Variants in TRPC4AP observed in about 807,000 individuals in gnomAD.
TRPC4AP encodes transient receptor potential cation channel subfamily C member 4 associated protein.
A neutral mutation model predicts 99.0 loss-of-function variants in TRPC4AP; 45 were observed. The observed-to-expected ratio is 0.45, with a 90% confidence interval of 0.36 to 0.58. TRPC4AP has a LOEUF of 0.58. Ranked by LOEUF, TRPC4AP falls within the 20% of genes least tolerant of loss-of-function variation. TRPC4AP has a pLI of 0.00. For missense variants in TRPC4AP, 879 were observed against 985.3 expected (o/e 0.89, Z 1.44); for synonymous variants, 408 against 385.8 (o/e 1.06, Z -0.67).
At chr20:35,059,926 C>T (rs74637704) in intron 3 of TRPC4AP, among the ~76,000 whole-genome samples, 4 of 118,368 alleles carry the variant, frequency 3.4e-5, no homozygotes, top group South Asian at 5.2e-4. Flanking sequence ...AAGACAAAGA[C>T]GAAGAAGACG....
chr20:35,006,453 A>G lies in TRPC4AP; in HGVS notation c.1809T>C (p.Tyr603=), dbSNP rs766566817. Residue 603 remains tyrosine, a synonymous_variant, in exon 15 of 19, where the codon TAT becomes TAC. Transcript: ENST00000252015. ...NVDAFKRFNK[Y]INTDAKFQVF... is the part of the protein sequence containing the mutation. The stretch of plus-strand genomic sequence containing the variant: ...ACTTTACCTTTGCATCGGTGTTGAT[A>G]TATTTATTGAATCTCTTGAATGCAT... The G allele has an allele frequency of 4.3e-6, 7 of 1,614,090 alleles. No individual in the cohort carries two copies. The highest frequency in any genetic ancestry group is 2.7e-5 in the African/African-American group (2 of 74,930).
At chr20:35,031,554 T>C (rs926442247) in intron 8 of TRPC4AP, among the ~76,000 whole-genome samples, 9 of 151,848 alleles carry the variant, frequency 5.9e-5, no homozygotes, top group Non-Finnish European at 8.8e-5. Context: ...TTTATTACCA[T>C]GTGTCTGCAT....
chr20:35,044,535 A>G lies in TRPC4AP; in HGVS notation c.835T>C (p.Leu279=), dbSNP rs1330249258. ...TTGATTTCAGCTGCAGAAGGCCCCA[A>G]ACTCAAGCTCTTCTTCTGTTGAGCA... ...KNAQQKKSLS[L]GPSAAEINQA... The change falls in exon 7 of 19, where the codon TTG becomes CTG. Residue 279 remains leucine, a synonymous_variant. Coordinates refer to ENST00000252015, the MANE Select transcript of TRPC4AP (RefSeq NM_015638.3). 2 of 1,614,218 alleles carry G rather than the reference A, an allele frequency of 1.2e-6. No individual in the cohort carries two copies. The highest frequency in any genetic ancestry group is 2.2e-5 in the South Asian group (2 of 91,086).
At chr20:35,063,706 A>T (rs1287935733) in intron 3 of TRPC4AP, among the ~76,000 whole-genome samples, 4 of 152,066 alleles carry the variant, frequency 2.6e-5, no homozygotes, top group Non-Finnish European at 2.9e-5. Flanking sequence ...AACAAATATT[A>T]AAAAATTAGC....
chr20:35,053,409 C>T (rs1001102987), intron 5 of TRPC4AP, among the ~76,000 whole-genome samples: 6 of 152,178 alleles, frequency 3.9e-5, no homozygotes, highest in Admixed American at 6.5e-5. Context: ...GATTTTAAAA[C>T]GGCCTCATAA....
intron 10 of TRPC4AP, among the ~76,000 whole-genome samples, chr20:35,014,449 C>T (rs2082706231): frequency 6.6e-6 from 1 of 150,642 alleles, no homozygotes; most frequent in Non-Finnish European, 1.5e-5. Context: ...ACAGACATTA[C>T]AAAACACGAG....
intron 1 of TRPC4AP, among the ~76,000 whole-genome samples, chr20:35,086,611 A>G (rs1353921699): frequency 6.6e-6 from 1 of 150,740 alleles, no homozygotes; most frequent in East Asian, 1.9e-4. Flanking sequence ...CCTAATCAGG[A>G]GTTTTTCAGT....
intron 2 of TRPC4AP, among the ~76,000 whole-genome samples, chr20:35,077,839 C>G (rs1022540882): frequency 2.6e-5 from 4 of 152,084 alleles, no homozygotes; most frequent in African/African-American, 9.7e-5. Context: ...ACACAGGGAA[C>G]CTAATGGTGA....
rs2082414194 is a variant in TRPC4AP, at chr20:35,002,502, G to A, written c.*644C>T. On this transcript the variant is annotated 3_prime_UTR_variant, in exon 19 of 19. Transcript: ENST00000252015. ...AGGAAGGGCCCCATGTCCAGGCTCA[G>A]GCAGGAGCGGCTGCCTCAGGCAGAG... 3.6e-6 allele frequency: 1 copy of A among 274,728 alleles called. No individual in the cohort carries two copies. The highest frequency in any genetic ancestry group is 5.1e-5 in the Admixed American group (1 of 19,596). The allele number at this position is 274,728 out of a possible 1,614,324, so 17.0% of individuals were successfully genotyped here. A position where few individuals can be genotyped will look rare whatever the true frequency, so the allele number is the denominator to read the frequency against.
chr20:35,005,568 G>A (rs1340820715), intron 16 of TRPC4AP, 127 bp downstream of exon 16: 3 of 804,334 alleles, frequency 3.7e-6, no homozygotes, highest in Non-Finnish European at 4.0e-6. Flanking sequence ...CCGCCACCTT[G>A]AGGCCGGCCA....
At chr20:35,083,995 A>T (rs1307119540) in intron 1 of TRPC4AP, among the ~76,000 whole-genome samples, 1 of 151,976 alleles carries the variant, frequency 6.6e-6, no homozygotes, top group Non-Finnish European at 1.5e-5. Context: ...ATTTAGGAAC[A>T]AATTATAAGT....
chr20:35,092,368 T>C (rs1025848915), intron 1 of TRPC4AP, among the ~76,000 whole-genome samples: 3 of 151,942 alleles, frequency 2.0e-5, no homozygotes, highest in Non-Finnish European at 4.4e-5. Flanking sequence ...GGGCCCAGGG[T>C]TCGTACACGC....
At chr20:35,037,716 G>A (rs375302723) in intron 7 of TRPC4AP, among the ~76,000 whole-genome samples, 3 of 152,198 alleles carry the variant, frequency 2.0e-5, no homozygotes, top group East Asian at 1.9e-4. Flanking sequence ...ACGCTGTTGC[G>A]GTCAACAACG....
At chr20:35,092,560 CGCCAGCTCCCGCCTGGTCCG>C in intron 1 of TRPC4AP, 34 bp downstream of exon 1, 5 of 1,408,602 alleles carry the variant, frequency 3.5e-6, no homozygotes, top group South Asian at 3.0e-5. Context: ...CCCGGCCCCC[CGCCAGCTCCCGCCTGGTCCG>C]CCCCGCCCCG....
intron 3 of TRPC4AP, among the ~76,000 whole-genome samples, chr20:35,059,742 C>CGAA (rs367598874): frequency 1.3e-5 from 2 of 149,154 alleles, no homozygotes; most frequent in African/African-American, 5.0e-5. Flanking sequence ...AAGACTACGA[C>CGAA]GAAGAAGAAG....
chr20:35,091,297 G>A (rs539792018), intron 1 of TRPC4AP, among the ~76,000 whole-genome samples: 3 of 152,112 alleles, frequency 2.0e-5, no homozygotes, highest in Admixed American at 2.0e-4. Flanking sequence ...AGAACACAAG[G>A]GGGAAAAAGG....
chr20:35,005,780 G>C lies in TRPC4AP; in HGVS notation c.1851C>G (p.Ile617Met). ...TGTTGGAGTCCACCAGGGAGCTGTT[G>C]ATCTGCTTCAGGAATACCTGGAACT... ...DAKFQVFLKQ[I>M]NSSLVDSNML... The change falls in exon 16 of 19, where the codon ATC becomes ATG. Residue 617 changes from isoleucine (I) to methionine (M), a missense_variant. Physicochemically the swap from Ile to Met is conservative, Grantham distance 10. This residue lies in a region of TRPC4AP where 224 missense variants were observed against 264.7 expected (regional missense o/e 0.85). Transcript: ENST00000252015. 6.2e-7 allele frequency: 1 copy of C among 1,614,174 alleles called. No homozygotes were observed. The highest frequency in any genetic ancestry group is 1.7e-5 in the Admixed American group (1 of 60,026).
At position 35,058,877 on chromosome 20, in the gene TRPC4AP, C is replaced by A. The variant is rs532590736; in HGVS notation, c.415-1306G>T. Reference sequence around the variant, plus strand: ...CTACTTTGTGTATTTTTAGTAGAAACGAGGTTTTGCCATGTTGGCCAGGCT... The same window carrying A: ...CTACTTTGTGTATTTTTAGTAGAAAAGAGGTTTTGCCATGTTGGCCAGGCT... On this transcript the variant is annotated intron_variant, in intron 3 of 18. Coordinates refer to ENST00000252015, the MANE Select transcript of TRPC4AP (RefSeq NM_015638.3). Among the ~76,000 whole-genome samples the A allele has an allele frequency of 4.6e-5, 7 of 151,816 alleles. No individual in the cohort carries two copies. In the South Asian group the frequency reaches 1.5e-3, roughly 32 times the overall value.
At chr20:35,017,377 G>C (rs1302296862) in intron 9 of TRPC4AP, among the ~76,000 whole-genome samples, 1 of 152,174 alleles carries the variant, frequency 6.6e-6, no homozygotes, top group Non-Finnish European at 1.5e-5. Context: ...CATTAGAATA[G>C]AATGTCAAGG....
Sources: allele counts gnomAD v4.1 joint callset (sites outside exome capture counted in the v4.1 genomes callset), GRCh38; gene constraint gnomAD v4.1.1; regional missense constraint gnomAD v4.1.1; transcripts MANE v1.5; gene names NCBI Gene and HGNC (gene_info 2026-07-23, HGNC 2026-07-21).